Variants in ARFGEF3 observed in about 807,000 individuals in gnomAD.
The protein encoded by ARFGEF3 is ARFGEF family member 3, also known as brefeldin A-inhibited guanine nucleotide-exchange protein 3.
ARFGEF3 carries 96 observed loss-of-function variants against 221.7 expected under a neutral mutation model. The ratio of observed to expected loss-of-function variants is 0.43; its 90% confidence interval spans 0.37 to 0.51. The LOEUF (loss-of-function observed/expected upper bound fraction) is 0.51. Among genes scored for constraint, ARFGEF3 ranks in the 20% least tolerant of loss-of-function variants. ARFGEF3 has a pLI of 0.00. For synonymous variants in ARFGEF3, 1,145 were observed against 1,126.8 expected (o/e 1.02, Z -0.32); for missense variants, 2,410 against 2,789.9 (o/e 0.86, Z 3.07).
At position 138,261,629 on chromosome 6, in the gene ARFGEF3, C is replaced by G; in HGVS notation, c.1207C>G (p.Leu403Val). The change falls in exon 11 of 34, where the codon CTC (leucine) becomes GTC (valine). Residue 403 changes from leucine (L) to valine (V), a missense_variant. By Grantham distance (32) the Leu-to-Val change is conservative (BLOSUM62 1). This residue lies in a region of ARFGEF3 where 570 missense variants were observed against 586.9 expected (regional missense o/e 0.97). Coordinates refer to ENST00000251691, the MANE Select transcript of ARFGEF3 (RefSeq NM_020340.5). ...SISKRKSHLDLLKLIMDGMTE... is the reference protein window; with the variant it reads ...SISKRKSHLDVLKLIMDGMTE... ...TTCAAAAAGAAAGTCTCATCTGGAT[C>G]TCCTCAAACTGTATGATGTTTATCC... The G allele has an allele frequency of 6.5e-7, 1 of 1,544,042 alleles. No individual in the cohort carries two copies. Among genetic ancestry groups the G allele is most frequent in the Non-Finnish European group, 8.8e-7 (1 of 1,137,716 alleles).
At chr6:138,286,445 G>A (rs1323762599) in intron 15 of ARFGEF3, among the ~76,000 whole-genome samples, 11 of 137,686 alleles carry the variant, frequency 8.0e-5, no homozygotes, top group African/African-American at 1.6e-4. Context: ...ACGAGACTCC[G>A]TCTCAAAAAA....
chr6:138,258,789 G>C lies in ARFGEF3; in HGVS notation c.1105-2738G>C, dbSNP rs563839014. Among the ~76,000 whole-genome samples the C allele has an allele frequency of 2.6e-5, 4 of 152,284 alleles. No homozygotes were observed. The South Asian group carries it at 8.3e-4, about 32-fold the overall frequency. On this transcript the variant is annotated intron_variant, in intron 10 of 33. Transcript: ENST00000251691. ...CTGAAGACAAAATGTCTACAAAGAG[G>C]CTATTTTATAAGCAGCAGCAACCTT... is the stretch of plus-strand genomic sequence containing the variant.
At chr6:138,205,137 A>C (rs1044805230) in intron 2 of ARFGEF3, among the ~76,000 whole-genome samples, 8 of 152,196 alleles carry the variant, frequency 5.3e-5, no homozygotes, top group Non-Finnish European at 1.0e-4. Context: ...TCCAAGGGTC[A>C]ACACATTGAG....
At chr6:138,196,574 G>A (rs185251623) in intron 2 of ARFGEF3, among the ~76,000 whole-genome samples, 139 of 152,304 alleles carry the variant, frequency 9.1e-4, no homozygotes, top group Non-Finnish European at 1.5e-3. Flanking sequence ...GAGTGAATGG[G>A]AATGCTGAGG....
chr6:138,235,833 T>C (rs1778275410), intron 5 of ARFGEF3, among the ~76,000 whole-genome samples: 1 of 152,224 alleles, frequency 6.6e-6, no homozygotes, highest in Non-Finnish European at 1.5e-5. Flanking sequence ...GATACCTTTT[T>C]GTCATATTCA....
rs1304092912 is a variant in ARFGEF3, at chr6:138,286,794, C to T, written c.2663C>T (p.Ser888Phe). Residue 888 changes from serine (S) to phenylalanine (F), a missense_variant, in exon 16 of 34, where the codon TCC (serine) becomes TTC (phenylalanine). Coordinates refer to ENST00000251691, the MANE Select transcript of ARFGEF3 (RefSeq NM_020340.5). ...CTGACTGGTCGAATGGCGGGGAGCTCCAAAGGGCTGGCCTTCATTCTGGGA... is the reference window on the plus strand; with the variant it reads ...CTGACTGGTCGAATGGCGGGGAGCTTCAAAGGGCTGGCCTTCATTCTGGGA... ...TPLTGRMAGSSKGLAFILGAE... is the reference protein window; with the variant it reads ...TPLTGRMAGSFKGLAFILGAE... 8 of 1,613,932 alleles carry T rather than the reference C, an allele frequency of 5.0e-6. No homozygotes were observed. The highest frequency in any genetic ancestry group is 1.3e-5 in the African/African-American group (1 of 74,940).
chr6:138,266,943 C>T (rs1778907147), intron 12 of ARFGEF3, among the ~76,000 whole-genome samples: 1 of 151,606 alleles, frequency 6.6e-6, no homozygotes, highest in African/African-American at 2.4e-5. Flanking sequence ...TTGGTGGATC[C>T]TTTGAGTCTC....
At chr6:138,177,101 T>A (rs542474710) in intron 2 of ARFGEF3, among the ~76,000 whole-genome samples, 172 of 88,834 alleles carry the variant, frequency 1.9e-3, no homozygotes, top group Non-Finnish European at 2.5e-3. Flanking sequence ...TTATTTATAT[T>A]TTTTTTGAGA....
intron 27 of ARFGEF3, among the ~76,000 whole-genome samples, chr6:138,317,640 T>G (rs934304147): frequency 1.3e-5 from 2 of 152,212 alleles, no homozygotes; most frequent in African/African-American, 4.8e-5. Context: ...GAGCTCCACA[T>G]TAATCAGACC....
chr6:138,261,555 A>T lies in ARFGEF3; in HGVS notation c.1133A>T (p.Asp378Val), dbSNP rs1489045763. ...EILGSPQRLC[D>V]LAGPSSTESE... Reference sequence around the variant, plus strand: ...CTTGGGAGCCCACAGCGTCTCTGTGACTTGGCAGGACCCAGCTCCACTGAA... The same window carrying T: ...CTTGGGAGCCCACAGCGTCTCTGTGTCTTGGCAGGACCCAGCTCCACTGAA... Residue 378 changes from aspartate (D) to valine (V), a missense_variant, in exon 11 of 34, where the codon GAC becomes GTC. By Grantham distance (152) the Asp-to-Val change is radical. Around this residue, in one of 5 missense-constraint regions of ARFGEF3, gnomAD observed 570 missense variants for 586.9 expected, o/e 0.97. Coordinates refer to ENST00000251691, the MANE Select transcript of ARFGEF3 (RefSeq NM_020340.5). 6.3e-7 allele frequency: 1 copy of T among 1,578,088 alleles called. No homozygotes were observed. The highest frequency in any genetic ancestry group is 8.6e-7 in the Non-Finnish European group (1 of 1,160,642).
chr6:138,330,345 G>A (rs1481168651), intron 32 of ARFGEF3, among the ~76,000 whole-genome samples: 1 of 152,162 alleles, frequency 6.6e-6, no homozygotes, highest in African/African-American at 2.4e-5. Flanking sequence ...ATGGTCACCT[G>A]TATTCTGGAA....
At position 138,313,913 on chromosome 6, in the gene ARFGEF3, T is replaced by C; in HGVS notation, c.4319T>C (p.Val1440Ala). The C allele has an allele frequency of 6.2e-7, 1 of 1,613,858 alleles. No individual in the cohort carries two copies. The highest frequency in any genetic ancestry group is 8.5e-7 in the Non-Finnish European group (1 of 1,179,818). Residue 1440 changes from valine (V) to alanine (A), a missense_variant, in exon 26 of 34, where the codon GTC becomes GCC. By Grantham distance (64) the Val-to-Ala change is moderately conservative (BLOSUM62 0). Around this residue, in one of 5 missense-constraint regions of ARFGEF3, gnomAD observed 723 missense variants for 991.9 expected, o/e 0.73. Transcript: ENST00000251691. ...AGCAGTGAGGATGGAATTGAATCAG[T>C]CCTGTCTGATTTTGATGATGACACC... ...SASSEDGIES[V>A]LSDFDDDTGL...
chr6:138,233,413 G>A (rs1292224341), intron 5 of ARFGEF3, among the ~76,000 whole-genome samples: 2 of 152,144 alleles, frequency 1.3e-5, no homozygotes, highest in Non-Finnish European at 2.9e-5. Context: ...GTCTCACTCT[G>A]TTGCCCAGGC....
intron 4 of ARFGEF3, among the ~76,000 whole-genome samples, chr6:138,212,500 C>T (rs930592200): frequency 3.3e-5 from 5 of 152,202 alleles, no homozygotes; most frequent in African/African-American, 1.2e-4. Flanking sequence ...CCATTTGACC[C>T]AGCTATCCCA....
rs139005414 is a variant in ARFGEF3, at chr6:138,175,819, C to T, written c.137+5106C>T. Among the ~76,000 whole-genome samples, 313 of 152,290 alleles carry T rather than the reference C, an allele frequency of 2.1e-3. 2 individuals are homozygous for T. Among genetic ancestry groups the T allele is most frequent in the African/African-American group, 5.9e-3 (244 of 41,548 alleles). On this transcript the variant is annotated intron_variant, in intron 2 of 33. Transcript: ENST00000251691. The stretch of plus-strand genomic sequence containing the variant: ...CTTTGTTGATTTTCTGTCCTGACAA[C>T]GTGTCTAATGCTGTGAGTGGGATGT...
At chr6:138,311,535 C>A (rs767938560) in intron 25 of ARFGEF3, 25 bp downstream of exon 25, 1 of 1,525,748 alleles carries the variant, frequency 6.6e-7, no homozygotes, top group Admixed American at 1.9e-5. Flanking sequence ...CAGCTGGGCT[C>A]CCGGCCTGGA....
intron 20 of ARFGEF3, among the ~76,000 whole-genome samples, chr6:138,296,282 GT>G (rs1464238124): frequency 6.6e-6 from 1 of 152,208 alleles, no homozygotes; most frequent in Non-Finnish European, 1.5e-5. Flanking sequence ...GATGATGACA[GT>G]GAAAGGTGAC....
chr6:138,335,082 C>G lies in ARFGEF3; in HGVS notation c.6236C>G (p.Ser2079Cys), dbSNP rs1415654388. 1.2e-6 allele frequency: 2 copies of G among 1,600,612 alleles called. No individual in the cohort carries two copies. The highest frequency in any genetic ancestry group is 1.7e-6 in the Non-Finnish European group (2 of 1,174,290). Residue 2079 changes from serine to cysteine, a missense_variant, in exon 33 of 34, where the codon TCC (serine) becomes TGC (cysteine). Ser to Cys is a moderately radical substitution (Grantham distance 112). Coordinates refer to ENST00000251691, the MANE Select transcript of ARFGEF3 (RefSeq NM_020340.5). The part of the protein sequence containing the change: ...HLMDQGQMRH[S>C]FSAGPELLRQ... ...ATGGACCAAGGGCAAATGCGGCATT[C>G]CTTCAGCGCAGGCCCCGAGCTGCTG... is the stretch of plus-strand genomic sequence containing the variant.
At chr6:138,172,596 A>G (rs866054946) in intron 2 of ARFGEF3, among the ~76,000 whole-genome samples, 84 of 152,340 alleles carry the variant, frequency 5.5e-4, no homozygotes, top group African/African-American at 1.9e-3. Context: ...GCAATATTGA[A>G]GGAGCTATAA....
Sources: gnomAD v4.1 joint callset for allele counts (sites outside exome capture counted in the v4.1 genomes callset) on GRCh38, gnomAD v4.1.1 for gene constraint, gnomAD v4.1.1 regional missense constraint, MANE v1.5 for transcripts, NCBI Gene and HGNC (gene_info 2026-07-23, HGNC 2026-07-21) for gene names.